The following LRRC4C variants were observed in gnomAD, a reference collection of about 807,000 sequenced individuals.
LRRC4C encodes the protein leucine rich repeat containing 4C, also known as leucine-rich repeat-containing protein 4C.
In LRRC4C, 5 loss-of-function variants were observed where a neutral mutation model predicts 33.6. The ratio of observed to expected loss-of-function variants is 0.15; its 90% confidence interval spans 0.08 to 0.31. The LOEUF (loss-of-function observed/expected upper bound fraction) is 0.31, where lower values mean the gene tolerates loss of function less well. LRRC4C is among the 10% of genes least tolerant of loss of function. The probability of loss-of-function intolerance (pLI) is 1.00; values close to 1 mark genes in which losing one functional copy is unlikely to be tolerated. For synonymous variants in LRRC4C, 329 were observed against 302.0 expected (o/e 1.09, Z -0.93); for missense variants, 560 against 796.7 (o/e 0.70, Z 3.58).
intron 1 of LRRC4C, among the ~76,000 whole-genome samples, chr11:41,418,459 C>G (rs1954765154): frequency 6.6e-6 from 1 of 151,958 alleles, no homozygotes; most frequent in Non-Finnish European, 1.5e-5. Context: ...CAACCTTCTT[C>G]CTGTTTAGAA....
chr11:41,356,816 C>T (rs962821789), intron 1 of LRRC4C, among the ~76,000 whole-genome samples: 1 of 152,018 alleles, frequency 6.6e-6, no homozygotes, highest in African/African-American at 2.4e-5. Flanking sequence ...CCAAAGCATG[C>T]CAATTTTTTT....
chr11:40,968,885 T>G (rs1851530568), intron 1 of LRRC4C, among the ~76,000 whole-genome samples: 1 of 152,164 alleles, frequency 6.6e-6, no homozygotes, highest in Admixed American at 6.6e-5. Context: ...CAACATTCAT[T>G]CTGTAGCTTA....
At chr11:41,440,830 C>T (rs896722987) in intron 1 of LRRC4C, among the ~76,000 whole-genome samples, 5 of 152,184 alleles carry the variant, frequency 3.3e-5, no homozygotes, top group Middle Eastern at 3.2e-3. Context: ...GTAAAATTGT[C>T]CTTGCTTCCC....
chr11:40,909,484 T>C (rs541422211), intron 2 of LRRC4C, among the ~76,000 whole-genome samples: 2 of 152,096 alleles, frequency 1.3e-5, no homozygotes, highest in African/African-American at 4.8e-5. Flanking sequence ...CAGATCAGTA[T>C]CTAAAACAAT....
At position 40,635,506 on chromosome 11, in the gene LRRC4C, A is replaced by C. The variant is rs1012882121; in HGVS notation, c.-270+12636T>G. On this transcript the variant is annotated intron_variant, in intron 3 of 6. Coordinates refer to ENST00000528697, the MANE Select transcript of LRRC4C (RefSeq NM_001258419.2). ...CACATAGACAGTAGTATGTTTACAAAACTACAAGACATGTCTACCAAAATG... is the reference window on the plus strand; with the variant it reads ...CACATAGACAGTAGTATGTTTACAACACTACAAGACATGTCTACCAAAATG... 2.0e-5 allele frequency among the ~76,000 whole-genome samples: 3 copies of C among 152,298 alleles called. No homozygotes were observed. In the East Asian group the frequency reaches 5.8e-4, roughly 29 times the overall value.
At chr11:40,873,470 A>C (rs926292973) in intron 2 of LRRC4C, among the ~76,000 whole-genome samples, 3 of 152,182 alleles carry the variant, frequency 2.0e-5, no homozygotes, top group Non-Finnish European at 2.9e-5. Context: ...ACAATTTGCA[A>C]ATAAACTGGG....
intron 4 of LRRC4C, among the ~76,000 whole-genome samples, chr11:40,275,221 A>G (rs1035842017): frequency 5.3e-5 from 8 of 152,116 alleles, no homozygotes; most frequent in Admixed American, 4.6e-4. Context: ...TCTATCTGTT[A>G]TTGCAAGATT....
At chr11:40,764,438 C>T (rs1428880238) in intron 2 of LRRC4C, among the ~76,000 whole-genome samples, 1 of 152,074 alleles carries the variant, frequency 6.6e-6, no homozygotes, top group South Asian at 2.1e-4. Context: ...GCCAGCTCAG[C>T]CACAGTAGAT....
intron 5 of LRRC4C, among the ~76,000 whole-genome samples, chr11:40,197,085 C>T (rs1590680684): frequency 6.6e-6 from 1 of 152,218 alleles, no homozygotes; most frequent in East Asian, 1.9e-4. Context: ...ATCCAGAACC[C>T]GATACTCTTT....
intron 3 of LRRC4C, among the ~76,000 whole-genome samples, chr11:40,596,372 A>C (rs943200715): frequency 4.6e-5 from 7 of 152,152 alleles, no homozygotes; most frequent in African/African-American, 1.7e-4. Flanking sequence ...TTTTTGGTAC[A>C]GGCACAGAAT....
In LRRC4C at chr11:40,349,020, C is replaced by T. The variant is rs145403357; in HGVS notation, c.-269-29299G>A. 9.4e-3 allele frequency among the ~76,000 whole-genome samples: 1,425 copies of T among 152,198 alleles called. 22 individuals carry two copies. The highest frequency in any genetic ancestry group is 0.033 in the African/African-American group (1,375 of 41,526). On this transcript the variant is annotated intron_variant, in intron 3 of 6. Coordinates refer to ENST00000528697, the MANE Select transcript of LRRC4C (RefSeq NM_001258419.2). Reference sequence around the variant, plus strand: ...AAACAGGCATATAATGCATAATAATCATATCAGGGTAAATGGAGTATCCAT... The same window carrying T: ...AAACAGGCATATAATGCATAATAATTATATCAGGGTAAATGGAGTATCCAT...
At chr11:40,439,418 G>C (rs1021241721) in intron 3 of LRRC4C, among the ~76,000 whole-genome samples, 1 of 151,068 alleles carries the variant, frequency 6.6e-6, no homozygotes, top group African/African-American at 2.4e-5. Context: ...TTCCTATTAC[G>C]AGTAATAGGT....
chr11:41,221,140 G>A (rs568674519), intron 1 of LRRC4C, among the ~76,000 whole-genome samples: 7 of 151,870 alleles, frequency 4.6e-5, no homozygotes, highest in Admixed American at 3.9e-4. Flanking sequence ...TTCCTCTTCC[G>A]ACCCTCCACC....
chr11:40,631,259 G>T (rs938472470), intron 3 of LRRC4C, among the ~76,000 whole-genome samples: 2 of 152,138 alleles, frequency 1.3e-5, no homozygotes, highest in African/African-American at 4.8e-5. Flanking sequence ...TTTTATGTGT[G>T]CTGAGTGTTG....
intron 4 of LRRC4C, among the ~76,000 whole-genome samples, chr11:40,244,031 C>T (rs191988525): frequency 6.6e-6 from 1 of 152,060 alleles, no homozygotes; most frequent in Non-Finnish European, 1.5e-5. Context: ...ATCATCACAT[C>T]TGTGTTCATC....
At chr11:40,841,586 C>T (rs1450850459) in intron 2 of LRRC4C, among the ~76,000 whole-genome samples, 1 of 152,180 alleles carries the variant, frequency 6.6e-6, no homozygotes, top group Non-Finnish European at 1.5e-5. Context: ...ATCTGTAAGC[C>T]AGGGAGAGAG....
intron 6 of LRRC4C, among the ~76,000 whole-genome samples, chr11:40,135,462 G>C (rs1418891269): frequency 6.6e-6 from 1 of 152,092 alleles, no homozygotes; most frequent in South Asian, 2.1e-4. Flanking sequence ...GTATTTTTCT[G>C]TATTCACTTT....
chr11:40,365,244 T>C (rs11035806), intron 3 of LRRC4C, among the ~76,000 whole-genome samples: 16,166 of 152,100 alleles, frequency 0.11, 1,077 homozygotes, highest in East Asian at 0.3. Flanking sequence ...AAAATTAAAA[T>C]ATGATTTAAA....
At chr11:41,390,405 G>A (rs552087987) in intron 1 of LRRC4C, among the ~76,000 whole-genome samples, 2 of 151,630 alleles carry the variant, frequency 1.3e-5, no homozygotes, top group African/African-American at 4.8e-5. Flanking sequence ...CTTTGTAACC[G>A]GCGACTACAG....
Sources: gnomAD v4.1 joint callset for allele counts (sites outside exome capture counted in the v4.1 genomes callset) on GRCh38, gnomAD v4.1.1 for gene constraint, MANE v1.5 for transcripts, NCBI Gene and HGNC (gene_info 2026-07-23, HGNC 2026-07-21) for gene names.